The following DLGAP2 variants were observed in gnomAD, a reference collection of about 807,000 sequenced individuals.
The protein encoded by DLGAP2 is DLG associated protein 2, also known as disks large-associated protein 2.
Under a neutral mutation model 100.3 loss-of-function variants are expected in DLGAP2, and 26 were observed. That is an observed-to-expected ratio of 0.26 (90% CI 0.19 to 0.36). The LOEUF (loss-of-function observed/expected upper bound fraction) is 0.36. DLGAP2 is among the 10% of genes least tolerant of loss of function. The probability of loss-of-function intolerance (pLI) is 1.00; values close to 1 mark genes in which losing one functional copy is unlikely to be tolerated. For missense variants in DLGAP2, 1,858 were observed against 1,453.2 expected (o/e 1.28, Z -4.53); for synonymous variants, 886 against 630.1 (o/e 1.41, Z -6.08).
chr8:1,588,012 A>G (rs1796177205), intron 6 of DLGAP2, among the ~76,000 whole-genome samples: 1 of 152,188 alleles, frequency 6.6e-6, no homozygotes, highest in African/African-American at 2.4e-5. Context: ...CAAGGGCCTT[A>G]CCTGAGTTCA....
rs183423508 is a variant in DLGAP2, at chr8:1,696,333, G to T, written c.2797-814G>T. Reference sequence around the variant, plus strand: ...CTGGGCAACACAGCCAGACCCCATTGCTACAAAATTAAAGAAATTAGCTGG... The same window carrying T: ...CTGGGCAACACAGCCAGACCCCATTTCTACAAAATTAAAGAAATTAGCTGG... On this transcript the variant is annotated intron_variant, in intron 13 of 14. Transcript: ENST00000637795. Among the ~76,000 whole-genome samples the T allele has an allele frequency of 8.5e-5, 13 of 152,190 alleles. No individual in the cohort carries two copies. In the East Asian group the frequency reaches 2.3e-3, roughly 27 times the overall value.
chr8:983,683 C>T (rs930301445), intron 2 of DLGAP2, among the ~76,000 whole-genome samples: 1 of 152,068 alleles, frequency 6.6e-6, no homozygotes, highest in African/African-American at 2.4e-5. Context: ...TGCTCTGTTG[C>T]CCAGGCTGGA....
intron 2 of DLGAP2, among the ~76,000 whole-genome samples, chr8:1,189,940 A>G (rs573181098): frequency 6.6e-6 from 1 of 152,304 alleles, no homozygotes; most frequent in East Asian, 1.9e-4. Flanking sequence ...AAATCCTAGG[A>G]AAAGCCAAGT....
intron 6 of DLGAP2, among the ~76,000 whole-genome samples, chr8:1,613,289 A>G (rs950951076): frequency 2.4e-4 from 36 of 148,816 alleles, no homozygotes; most frequent in Non-Finnish European, 4.8e-4. Flanking sequence ...AACTATTGCA[A>G]GAACAAAAAA....
At chr8:1,230,448 C>G (rs1169516511) in intron 2 of DLGAP2, among the ~76,000 whole-genome samples, 1 of 152,142 alleles carries the variant, frequency 6.6e-6, no homozygotes, top group South Asian at 2.1e-4. Context: ...AAGCGATCTA[C>G]AGATTCAATG....
intron 3 of DLGAP2, among the ~76,000 whole-genome samples, chr8:1,472,642 G>A (rs760020775): frequency 1.7e-4 from 26 of 152,138 alleles, no homozygotes; most frequent in Non-Finnish European, 3.4e-4. Flanking sequence ...GTTCAGAATC[G>A]AAGCTCAGCA....
At chr8:1,149,807 C>T (rs555323803) in intron 2 of DLGAP2, among the ~76,000 whole-genome samples, 4 of 151,786 alleles carry the variant, frequency 2.6e-5, no homozygotes, top group African/African-American at 7.3e-5. Flanking sequence ...CCTCTCTTGA[C>T]TCGTCACTTT....
At chr8:755,448 C>A (rs1020322040) in intron 1 of DLGAP2, among the ~76,000 whole-genome samples, 4 of 152,200 alleles carry the variant, frequency 2.6e-5, no homozygotes, top group Non-Finnish European at 5.9e-5. Flanking sequence ...CAGAGCAAGA[C>A]CCTGTCTCAA....
chr8:1,577,469 G>A (rs1449305282), intron 6 of DLGAP2, among the ~76,000 whole-genome samples: 1 of 150,808 alleles, frequency 6.6e-6, no homozygotes, highest in Non-Finnish European at 1.5e-5. Flanking sequence ...TCGAGAGGCT[G>A]AGGCAGGAGA....
chr8:1,498,179 G>A (rs529007118), intron 3 of DLGAP2, among the ~76,000 whole-genome samples: 3 of 151,990 alleles, frequency 2.0e-5, no homozygotes, highest in Non-Finnish European at 4.4e-5. Flanking sequence ...GCGATGTCTG[G>A]GTGAAGATAA....
At chr8:1,410,791 C>T (rs1796707359) in intron 3 of DLGAP2, among the ~76,000 whole-genome samples, 1 of 151,704 alleles carries the variant, frequency 6.6e-6, no homozygotes, top group Non-Finnish European at 1.5e-5. Context: ...AGATTATGGC[C>T]ACCTTTCCCT....
intron 3 of DLGAP2, among the ~76,000 whole-genome samples, chr8:1,318,911 AT>A (rs1445442746): frequency 1.3e-5 from 2 of 151,832 alleles, no homozygotes; most frequent in Admixed American, 6.6e-5. Context: ...GTCCCCATAG[AT>A]TTTAGGATTA....
At chr8:1,072,502 G>A (rs901838393) in intron 2 of DLGAP2, among the ~76,000 whole-genome samples, 2 of 152,094 alleles carry the variant, frequency 1.3e-5, no homozygotes, top group East Asian at 1.9e-4. Context: ...AGAACTCGAC[G>A]CGTGTTTGAT....
intron 3 of DLGAP2, among the ~76,000 whole-genome samples, chr8:1,270,555 C>T (rs998450637): frequency 6.6e-6 from 1 of 152,214 alleles, no homozygotes; most frequent in African/African-American, 2.4e-5. Context: ...GCAGGCACCA[C>T]TGTCTTAACC....
chr8:901,354 A>G (rs1004754719), intron 1 of DLGAP2, among the ~76,000 whole-genome samples: 1 of 152,170 alleles, frequency 6.6e-6, no homozygotes, highest in Non-Finnish European at 1.5e-5. Flanking sequence ...AAATCCATCT[A>G]TTTCTCTATT....
intron 2 of DLGAP2, among the ~76,000 whole-genome samples, chr8:969,979 C>G (rs150701580): frequency 4.3e-4 from 65 of 152,270 alleles, no homozygotes; most frequent in African/African-American, 1.5e-3. Context: ...AAAAATTGTT[C>G]ACACCATTGA....
intron 3 of DLGAP2, among the ~76,000 whole-genome samples, chr8:1,423,904 C>A (rs1797170464): frequency 6.6e-6 from 1 of 152,190 alleles, no homozygotes; most frequent in South Asian, 2.1e-4. Flanking sequence ...GCAAAAATAT[C>A]CCACGTTCAG....
At chr8:1,664,577 G>T (rs751470000) in intron 8 of DLGAP2, among the ~76,000 whole-genome samples, 1 of 152,150 alleles carries the variant, frequency 6.6e-6, no homozygotes, top group Non-Finnish European at 1.5e-5. Flanking sequence ...GGCACTTTAC[G>T]TCGGTGCCCA....
At chr8:989,624 C>T (rs926138507) in intron 2 of DLGAP2, among the ~76,000 whole-genome samples, 1 of 152,106 alleles carries the variant, frequency 6.6e-6, no homozygotes, top group African/African-American at 2.4e-5. Context: ...GGTAGACATT[C>T]CTTGAAGGCT....
Sources: allele counts gnomAD v4.1 joint callset (sites outside exome capture counted in the v4.1 genomes callset), GRCh38; gene constraint gnomAD v4.1.1; transcripts MANE v1.5; gene names NCBI Gene and HGNC (gene_info 2026-07-23, HGNC 2026-07-21).